The following FKBP1A variants were observed in gnomAD, a reference collection of about 807,000 sequenced individuals.
The protein encoded by FKBP1A is FKBP prolyl isomerase 1A.
In FKBP1A, 5 loss-of-function variants were observed where a neutral mutation model predicts 14.2. That is an observed-to-expected ratio of 0.35 (90% CI 0.18 to 0.74). The LOEUF is 0.74. Among genes scored for constraint, FKBP1A ranks in the 30% least tolerant of loss-of-function variants. The pLI is 0.56. For missense variants in FKBP1A, 53 were observed against 138.8 expected (o/e 0.38, Z 3.10); for synonymous variants, 42 against 49.1 (o/e 0.86, Z 0.60).
intron 2 of FKBP1A, among the ~76,000 whole-genome samples, chr20:1,383,066 C>A (rs2089633991): frequency 6.6e-6 from 1 of 152,122 alleles, no homozygotes; most frequent in Admixed American, 6.5e-5. Context: ...GACTCAAGAC[C>A]AGGACCTGGA....
intron 2 of FKBP1A, among the ~76,000 whole-genome samples, chr20:1,384,922 T>A (rs914412518): frequency 1.3e-5 from 2 of 152,178 alleles, no homozygotes; most frequent in Non-Finnish European, 1.5e-5. Flanking sequence ...TAACCAAAAG[T>A]GTATTTTCAA....
chr20:1,375,040 T>C (rs528992070), intron 3 of FKBP1A, among the ~76,000 whole-genome samples: 3 of 152,290 alleles, frequency 2.0e-5, no homozygotes, highest in Admixed American at 2.0e-4. Context: ...TTTCGCCATG[T>C]TGGCCAGGCT....
intron 2 of FKBP1A, among the ~76,000 whole-genome samples, chr20:1,387,939 T>A (rs895658711): frequency 3.3e-5 from 5 of 152,206 alleles, no homozygotes; most frequent in African/African-American, 9.6e-5. Context: ...GAAGGAATTT[T>A]AAAAATCAAC....
Position 1,370,091 on chromosome 20 carries a change from CTG to C in FKBP1A, c.*37-21_*37-20del. ...GGCAGATCTGTTGGGGACAGAAAATCTGTGAGTTTCCAGCAACTCAGTGTTCT... is the reference window on the plus strand; with the variant it reads ...GGCAGATCTGTTGGGGACAGAAAATCTGAGTTTCCAGCAACTCAGTGTTCT... On this transcript the variant is annotated intron_variant, in intron 4 of 4. Coordinates refer to ENST00000400137, the MANE Select transcript of FKBP1A (RefSeq NM_000801.5). The C allele has an allele frequency of 6.5e-7, 1 of 1,545,892 alleles. No individual in the cohort carries two copies. Among genetic ancestry groups the C allele is most frequent in the Non-Finnish European group, 8.7e-7 (1 of 1,146,774 alleles).
chr20:1,387,029 T>C (rs2089675411), intron 2 of FKBP1A, among the ~76,000 whole-genome samples: 2 of 152,196 alleles, frequency 1.3e-5, no homozygotes, highest in South Asian at 2.1e-4. Flanking sequence ...GCTTCTTCCA[T>C]GGGAAACAGC....
At chr20:1,390,352 G>A (rs2089719350) in intron 2 of FKBP1A, among the ~76,000 whole-genome samples, 1 of 143,156 alleles carries the variant, frequency 7.0e-6, no homozygotes, top group African/African-American at 2.6e-5. Context: ...GCCATGGGGA[G>A]GGGGGAGGGG....
In FKBP1A at chr20:1,379,610, A is replaced by C. The variant is rs950559474; in HGVS notation, c.86-4007T>G. On this transcript the variant is annotated intron_variant, in intron 2 of 4. Transcript: ENST00000400137. This position sits in a 1 kb window ranked among gnomAD's most constrained non-coding sequence, Gnocchi z 4.3. ...CTGTTGTCCCTGGGAAAGGGGCATG[A>C]GACTTGCTCCAGAATTTCAGACCAC... Among the ~76,000 whole-genome samples, 1 of 152,178 alleles carries C rather than the reference A, an allele frequency of 6.6e-6. No individual in the cohort carries two copies. The highest frequency in any genetic ancestry group is 1.5e-5 in the Non-Finnish European group (1 of 68,030).
intron 3 of FKBP1A, chr20:1,375,279 G>A (rs943436573): frequency 1.2e-5 from 7 of 594,078 alleles, no homozygotes; most frequent in African/African-American, 3.7e-5. Context: ...GTGTGTGAAA[G>A]CAAGAAAAAA....
chr20:1,372,690 A>G (rs1336262846), intron 3 of FKBP1A, among the ~76,000 whole-genome samples: 1 of 152,114 alleles, frequency 6.6e-6, no homozygotes, highest in East Asian at 1.9e-4. Context: ...AGGGTAGTCT[A>G]TTTTTTCTGT....
chr20:1,387,292 GA>G (rs1183118910), intron 2 of FKBP1A, among the ~76,000 whole-genome samples: 1 of 152,168 alleles, frequency 6.6e-6, no homozygotes, highest in African/African-American at 2.4e-5. Flanking sequence ...AATTGGACCA[GA>G]GTAGTGAAAC....
chr20:1,391,513 T>C (rs910702471), intron 2 of FKBP1A: 14 of 394,962 alleles, frequency 3.5e-5, no homozygotes, highest in Admixed American at 4.4e-5. Flanking sequence ...TTTAAAGTTC[T>C]AGTCCTTAAC....
chr20:1,380,092 C>T (rs889216876), intron 2 of FKBP1A, among the ~76,000 whole-genome samples: 29 of 152,116 alleles, frequency 1.9e-4, no homozygotes, highest in Admixed American at 3.3e-4. Context: ...TTCCTCCCTA[C>T]AAAAAGTCCA....
Position 1,369,885 on chromosome 20 carries a change from A to G in FKBP1A, c.*224T>C, listed in dbSNP as rs1346652334. The G allele has an allele frequency of 1.2e-5, 10 of 800,380 alleles. No homozygotes were observed. Among genetic ancestry groups the G allele is most frequent in the Admixed American group, 6.6e-5 (2 of 30,512 alleles). The allele number at this position is 800,380 out of a possible 1,614,324, so 49.6% of individuals were successfully genotyped here. A position where few individuals can be genotyped will look rare whatever the true frequency, so the allele number is the denominator to read the frequency against. ...ATGAATAACTTGAGGTTTATGGCATATAGTTTAGGTAAACACACATACGAG... is the reference window on the plus strand; with the variant it reads ...ATGAATAACTTGAGGTTTATGGCATGTAGTTTAGGTAAACACACATACGAG... On this transcript the variant is annotated 3_prime_UTR_variant, in exon 5 of 5. Coordinates refer to ENST00000400137, the MANE Select transcript of FKBP1A (RefSeq NM_000801.5).
chr20:1,392,803 G>C, intron 2 of FKBP1A, 31 bp downstream of exon 2: 2 of 1,473,204 alleles, frequency 1.4e-6, no homozygotes, highest in Non-Finnish European at 1.8e-6. Context: ...ACTGCGGCCC[G>C]GGCCCCCTCC....
chr20:1,377,269 G>A (rs1161293248), intron 2 of FKBP1A: 1 of 152,206 alleles, frequency 6.6e-6, no homozygotes, highest in Non-Finnish European at 1.5e-5. Flanking sequence ...GGACTATGTG[G>A]ACTTTAACAA....
At chr20:1,370,467 G>C (rs1183515814) in intron 4 of FKBP1A, 1 of 973,704 alleles carries the variant, frequency 1.0e-6, no homozygotes, top group Admixed American at 6.2e-5. Context: ...TGATTAACTG[G>C]TTTAGGGTTT....
intron 2 of FKBP1A, among the ~76,000 whole-genome samples, chr20:1,383,746 G>A (rs1195323799): frequency 6.7e-6 from 1 of 148,968 alleles, no homozygotes; most frequent in Non-Finnish European, 1.5e-5. Flanking sequence ...GATCAAGTGG[G>A]AGATCACTTG....
intron 2 of FKBP1A, among the ~76,000 whole-genome samples, chr20:1,385,820 C>A (rs2089664089): frequency 6.6e-6 from 1 of 152,194 alleles, no homozygotes; most frequent in African/African-American, 2.4e-5. Flanking sequence ...GTTCTCTCTG[C>A]CTAAAATGAT....
At chr20:1,375,128 C>T (rs2089522961) in intron 3 of FKBP1A, among the ~76,000 whole-genome samples, 1 of 152,232 alleles carries the variant, frequency 6.6e-6, no homozygotes, top group Non-Finnish European at 1.5e-5. Context: ...CTCCTGACCT[C>T]AGGTGATCCA....
Sources: allele counts gnomAD v4.1 joint callset (sites outside exome capture counted in the v4.1 genomes callset), GRCh38; gene constraint gnomAD v4.1.1; non-coding constraint Gnocchi (gnomAD v3.1); transcripts MANE v1.5; gene names NCBI Gene and HGNC (gene_info 2026-07-23, HGNC 2026-07-21).